PCLO: variants seen among roughly 807,000 people sequenced by gnomAD.
The protein encoded by PCLO is piccolo presynaptic cytomatrix protein.
Under a neutral mutation model 427.5 loss-of-function variants are expected in PCLO, and 82 were observed. That is an observed-to-expected ratio of 0.19 (90% confidence interval 0.16 to 0.23). The LOEUF is 0.23. PCLO is among the 10% of genes least tolerant of loss of function. The pLI is 1.00. For missense variants in PCLO, 6,239 were observed against 6,115.9 expected (o/e 1.02, Z -0.67); for synonymous variants, 2,357 against 2,155.4 (o/e 1.09, Z -2.59).
At chr7:82,785,489 AAG>A (rs767027071) in intron 22 of PCLO, among the ~76,000 whole-genome samples, 20 of 152,318 alleles carry the variant, frequency 1.3e-4, no homozygotes, top group South Asian at 8.3e-4. Flanking sequence ...GTTATAAGCT[AAG>A]AAATTATTCT....
chr7:82,864,080 A>C (rs1172261776), intron 10 of PCLO, among the ~76,000 whole-genome samples: 1 of 152,060 alleles, frequency 6.6e-6, no homozygotes, highest in Non-Finnish European at 1.5e-5. Flanking sequence ...TTCCTCATCT[A>C]AGTTATTTTG....
At chr7:83,025,038 G>T (rs1278936780) in intron 3 of PCLO, among the ~76,000 whole-genome samples, 1 of 152,140 alleles carries the variant, frequency 6.6e-6, no homozygotes, top group Non-Finnish European at 1.5e-5. Flanking sequence ...ACTCTAAAAA[G>T]TAGAGCGCCT....
At chr7:82,930,589 A>G (rs1794818425) in intron 6 of PCLO, among the ~76,000 whole-genome samples, 2 of 152,172 alleles carry the variant, frequency 1.3e-5, no homozygotes, top group African/African-American at 4.8e-5. Flanking sequence ...GTAGAAACTA[A>G]TGTTCAAAGA....
At chr7:82,837,871 T>G (rs937086153) in intron 15 of PCLO, among the ~76,000 whole-genome samples, 3 of 151,902 alleles carry the variant, frequency 2.0e-5, no homozygotes, top group Non-Finnish European at 2.9e-5. Flanking sequence ...TCAGATAAAT[T>G]TGGGAAGGTA....
At chr7:82,781,872 A>G (rs4732482) in intron 22 of PCLO, among the ~76,000 whole-genome samples, 4,801 of 152,280 alleles carry the variant, frequency 0.032, 121 homozygotes, top group East Asian at 0.13. Context: ...AGCTGAACAC[A>G]TGGAGGTTCC....
intron 20 of PCLO, among the ~76,000 whole-genome samples, chr7:82,816,279 A>G (rs1791677036): frequency 6.6e-6 from 1 of 152,128 alleles, no homozygotes; most frequent in African/African-American, 2.4e-5. Context: ...GGGGACTATT[A>G]TTAAATCAAC....
intron 7 of PCLO, among the ~76,000 whole-genome samples, chr7:82,914,104 GA>G (rs1411571894): frequency 2.6e-5 from 4 of 151,816 alleles, no homozygotes; most frequent in African/African-American, 9.7e-5. Flanking sequence ...AGATAAAACA[GA>G]AATCTTTTAT....
At chr7:83,053,779 T>G (rs1033661801) in intron 3 of PCLO, among the ~76,000 whole-genome samples, 3 of 151,906 alleles carry the variant, frequency 2.0e-5, no homozygotes, top group African/African-American at 7.2e-5. Context: ...GCAATAATAT[T>G]GAAATATTTT....
intron 3 of PCLO, among the ~76,000 whole-genome samples, chr7:82,983,699 A>T (rs1449339400): frequency 6.6e-6 from 1 of 151,468 alleles, no homozygotes; most frequent in Non-Finnish European, 1.5e-5. Context: ...GGTGGGAATG[A>T]AGTCTTGGAC....
chr7:83,097,011 T>TAA (rs1418002224), intron 3 of PCLO, among the ~76,000 whole-genome samples: 11 of 52,908 alleles, frequency 2.1e-4, no homozygotes, highest in African/African-American at 1.1e-3. Context: ...ATAAATAATA[T>TAA]ATATTATATA....
intron 22 of PCLO, among the ~76,000 whole-genome samples, chr7:82,785,639 G>T (rs1203558869): frequency 1.3e-5 from 2 of 152,070 alleles, no homozygotes; most frequent in Non-Finnish European, 2.9e-5. Flanking sequence ...AGGAGCAAGA[G>T]AAAACTTCCT....
At chr7:83,154,014 C>T (rs1337843554) in intron 2 of PCLO, among the ~76,000 whole-genome samples, 1 of 152,086 alleles carries the variant, frequency 6.6e-6, no homozygotes, top group East Asian at 1.9e-4. Context: ...CTCTTCTATC[C>T]TCAATCTGAG....
chr7:83,111,771 G>T (rs1791008064), intron 3 of PCLO, among the ~76,000 whole-genome samples: 1 of 152,162 alleles, frequency 6.6e-6, no homozygotes, highest in Non-Finnish European at 1.5e-5. Context: ...TAAATTTGTG[G>T]CAACTTGTTA....
At chr7:82,848,714 T>C (rs1190342872) in intron 10 of PCLO, among the ~76,000 whole-genome samples, 1 of 152,188 alleles carries the variant, frequency 6.6e-6, no homozygotes, top group Non-Finnish European at 1.5e-5. Context: ...TGATTGTATA[T>C]TTAAAAGTTT....
intron 3 of PCLO, among the ~76,000 whole-genome samples, chr7:83,049,152 C>T (rs771817364): frequency 6.6e-6 from 1 of 152,142 alleles, no homozygotes; most frequent in Admixed American, 6.6e-5. Flanking sequence ...AAATAAGACA[C>T]TTTCAGCCTG....
intron 3 of PCLO, among the ~76,000 whole-genome samples, chr7:83,092,640 C>T (rs1438010565): frequency 1.3e-5 from 2 of 151,986 alleles, no homozygotes; most frequent in African/African-American, 2.4e-5. Flanking sequence ...CAGGACAAAT[C>T]CTAAATGTAA....
chr7:82,812,000 CT>C (rs1424478923), intron 20 of PCLO, among the ~76,000 whole-genome samples: 1 of 151,258 alleles, frequency 6.6e-6, no homozygotes, highest in Non-Finnish European at 1.5e-5. Flanking sequence ...ATGTTGCAGG[CT>C]TTTTTCTTAT....
rs71074621 is a variant in PCLO at position 83,119,823 on chromosome 7, G to GAAA, written c.3300+14424_3300+14426dup. On this transcript the variant is annotated intron_variant, in intron 3 of 24. Coordinates refer to ENST00000333891, the MANE Select transcript of PCLO (RefSeq NM_033026.6). ...AGAGAATATACCCAGAATCCTATCA[G>GAAA]AAAAAAAAAAAGCAAATATTGAAGT... 3.2e-3 allele frequency among the ~76,000 whole-genome samples: 456 copies of GAAA among 141,744 alleles called. 1 individual carries two copies. The highest frequency in any genetic ancestry group is 4.7e-3 in the Non-Finnish European group (305 of 65,348). 93.0% of individuals were successfully genotyped at this position (141,744 alleles called of 152,430 possible). A position where few individuals can be genotyped will look rare whatever the true frequency, so the allele number is the denominator to read the frequency against.
At chr7:83,048,386 T>C (rs902452963) in intron 3 of PCLO, among the ~76,000 whole-genome samples, 1 of 152,090 alleles carries the variant, frequency 6.6e-6, no homozygotes, top group Non-Finnish European at 1.5e-5. Flanking sequence ...TGCCCTAGAC[T>C]AAATTATCTT....
Sources: gnomAD v4.1 joint callset for allele counts (sites outside exome capture counted in the v4.1 genomes callset) on GRCh38, gnomAD v4.1.1 for gene constraint, MANE v1.5 for transcripts, NCBI Gene and HGNC (gene_info 2026-07-23, HGNC 2026-07-21) for gene names.